The following ITPR1 variants were observed in gnomAD, a reference collection of about 807,000 sequenced individuals.
ITPR1 encodes the protein inositol 1,4,5-trisphosphate-gated calcium channel ITPR1.
ITPR1 carries 96 observed loss-of-function variants against 318.4 expected under a neutral mutation model. That is an observed-to-expected ratio of 0.30 (90% CI 0.26 to 0.36). ITPR1 has a LOEUF of 0.36. Among genes scored for constraint, ITPR1 ranks in the 10% least tolerant of loss-of-function variants. The pLI is 1.00. For synonymous variants in ITPR1, 1,312 were observed against 1,289.9 expected (o/e 1.02, Z -0.37); for missense variants, 2,440 against 3,460.2 (o/e 0.71, Z 7.40).
At chr3:4,730,345 G>A (rs1401679107) in intron 42 of ITPR1, among the ~76,000 whole-genome samples, 3 of 137,846 alleles carry the variant, frequency 2.2e-5, no homozygotes, top group Non-Finnish European at 4.7e-5. Context: ...ATAATTAAAA[G>A]CAAAAAAAAA....
intron 48 of ITPR1, among the ~76,000 whole-genome samples, chr3:4,778,539 C>G (rs949852041): frequency 5.9e-5 from 9 of 152,140 alleles, no homozygotes; most frequent in African/African-American, 1.7e-4. Flanking sequence ...CACTAACAGT[C>G]GATTTGGGTG....
chr3:4,734,167 C>T (rs117003801), intron 43 of ITPR1, among the ~76,000 whole-genome samples: 2 of 152,286 alleles, frequency 1.3e-5, no homozygotes, highest in East Asian at 3.9e-4. Context: ...TCAAGGCATC[C>T]TAGAGATGAG....
In ITPR1 at chr3:4,802,835, AAGAAAGAAAGAAAG is replaced by A. The variant is rs549608435; in HGVS notation, c.7107+2253_7107+2266del. ...CAGAATGAGACTGATTAAAAAAAAA[AAGAAAGAAAGAAAG>A]AGAAAGAAAGAAAGAGAGAAAGAGA... On this transcript the variant is annotated intron_variant, in intron 54 of 61. Transcript: ENST00000649015. Among the ~76,000 whole-genome samples, 1,187 of 149,906 alleles carry A rather than the reference AAGAAAGAAAGAAAG, an allele frequency of 7.9e-3. 12 individuals are homozygous for A. The highest frequency in any genetic ancestry group is 0.025 in the African/African-American group (1,023 of 41,212).
chr3:4,758,071 G>C (rs919532615), intron 44 of ITPR1, among the ~76,000 whole-genome samples: 1 of 152,192 alleles, frequency 6.6e-6, no homozygotes, highest in Non-Finnish European at 1.5e-5. Flanking sequence ...CTGTTTGGCA[G>C]CCACATTTTT....
intron 4 of ITPR1, among the ~76,000 whole-genome samples, chr3:4,546,760 C>CTTTTTTTTT (rs11349589): frequency 7.2e-6 from 1 of 138,152 alleles, no homozygotes. Flanking sequence ...CAACTCTGAC[C>CTTTTTTTTT]TTTTTTTTTT....
chr3:4,659,126 T>C (rs1363093921), intron 13 of ITPR1, among the ~76,000 whole-genome samples: 1 of 152,146 alleles, frequency 6.6e-6, no homozygotes, highest in East Asian at 1.9e-4. Context: ...CAATACCATG[T>C]TGGTTAATGG....
chr3:4,540,239 G>C (rs2084305937), intron 4 of ITPR1, among the ~76,000 whole-genome samples: 1 of 151,984 alleles, frequency 6.6e-6, no homozygotes, highest in Non-Finnish European at 1.5e-5. Context: ...CATTATGTAA[G>C]AAACATTTTT....
intron 55 of ITPR1, among the ~76,000 whole-genome samples, chr3:4,808,072 A>C (rs543852971): frequency 6.6e-6 from 1 of 152,350 alleles, no homozygotes; most frequent in South Asian, 2.1e-4. Flanking sequence ...CTTGCAATGC[A>C]GGCCAGTGCC....
At chr3:4,579,089 C>A (rs942386618) in intron 4 of ITPR1, among the ~76,000 whole-genome samples, 2 of 152,214 alleles carry the variant, frequency 1.3e-5, no homozygotes. Context: ...CTTAACGTAG[C>A]AGGCTCAGGG....
intron 32 of ITPR1, among the ~76,000 whole-genome samples, chr3:4,693,191 T>C (rs969962760): frequency 6.6e-6 from 1 of 152,222 alleles, no homozygotes; most frequent in Non-Finnish European, 1.5e-5. Flanking sequence ...GGTATGGAAA[T>C]ACCAGTGCAA....
intron 4 of ITPR1, among the ~76,000 whole-genome samples, chr3:4,598,460 A>G (rs910416767): frequency 6.6e-6 from 1 of 152,134 alleles, no homozygotes; most frequent in African/African-American, 2.4e-5. Context: ...TCTCTACAAA[A>G]AAATACAAAA....
intron 4 of ITPR1, among the ~76,000 whole-genome samples, chr3:4,624,571 A>G (rs1004079988): frequency 8.6e-5 from 13 of 151,650 alleles, no homozygotes; most frequent in Admixed American, 2.6e-4. Context: ...TTGGGAGGCT[A>G]AGGCAGAAGA....
At chr3:4,531,266 G>A (rs1234835301) in intron 4 of ITPR1, among the ~76,000 whole-genome samples, 1 of 152,154 alleles carries the variant, frequency 6.6e-6, no homozygotes, top group Non-Finnish European at 1.5e-5. Flanking sequence ...TGCTTCGTGG[G>A]AATAAAGCTA....
In ITPR1 at chr3:4,565,661, C is replaced by T. The variant is rs185945133; in HGVS notation, c.163+44567C>T. On this transcript the variant is annotated intron_variant, in intron 4 of 61. Coordinates refer to ENST00000649015, the MANE Select transcript of ITPR1 (RefSeq NM_001378452.1). ...GGCTGTATTGATTGTCTCCCCAAGA[C>T]GAAGGTCGGAATGGCTACTAATTCT... 5.6e-4 allele frequency among the ~76,000 whole-genome samples: 85 copies of T among 152,196 alleles called. 1 individual carries two copies. The highest frequency in any genetic ancestry group is 1.7e-3 in the African/African-American group (69 of 41,510).
intron 4 of ITPR1, among the ~76,000 whole-genome samples, chr3:4,555,857 T>G (rs927194541): frequency 1.3e-5 from 2 of 152,252 alleles, no homozygotes; most frequent in Non-Finnish European, 2.9e-5. Flanking sequence ...ATAAGGAGGC[T>G]TGTCTGTCTT....
At chr3:4,720,116 T>G (rs750561883) in intron 40 of ITPR1, among the ~76,000 whole-genome samples, 112 of 152,324 alleles carry the variant, frequency 7.4e-4, no homozygotes, top group Middle Eastern at 6.8e-3. Flanking sequence ...CTAAAGACAT[T>G]CATTTATATG....
At chr3:4,815,751 A>G (rs1244550946) in intron 59 of ITPR1, among the ~76,000 whole-genome samples, 1 of 152,194 alleles carries the variant, frequency 6.6e-6, no homozygotes, top group African/African-American at 2.4e-5. Context: ...TTTCAGGATT[A>G]TTCATAATAT....
chr3:4,692,717 G>T (rs2094498500), intron 32 of ITPR1, among the ~76,000 whole-genome samples: 1 of 152,156 alleles, frequency 6.6e-6, no homozygotes, highest in Non-Finnish European at 1.5e-5. Flanking sequence ...TCAACTTTTT[G>T]AAGAGTAAGT....
At chr3:4,609,051 AATATATATATATATATATATATATAT>A (rs754002503) in intron 4 of ITPR1, among the ~76,000 whole-genome samples, 2,191 of 46,566 alleles carry the variant, frequency 0.047, 136 homozygotes, top group African/African-American at 0.11. Flanking sequence ...ACAACAACGA[AATATATATATATATATATATATATAT>A]ATATATATAT....
Sources: gnomAD v4.1 joint callset for allele counts (sites outside exome capture counted in the v4.1 genomes callset) on GRCh38, gnomAD v4.1.1 for gene constraint, MANE v1.5 for transcripts, NCBI Gene and HGNC (gene_info 2026-07-23, HGNC 2026-07-21) for gene names.